The following SNX29 variants were observed in gnomAD, a reference collection of about 807,000 sequenced individuals.
SNX29 encodes sorting nexin 29.
A neutral mutation model predicts 102.1 loss-of-function variants in SNX29; 78 were observed. That is an observed-to-expected ratio of 0.76 (90% confidence interval 0.64 to 0.92). The LOEUF is 0.92. Ranked by LOEUF, SNX29 falls within the 40% of genes least tolerant of loss-of-function variation. The pLI, the probability that SNX29 is intolerant of heterozygous loss-of-function variation, is 0.00. For missense variants in SNX29, 1,280 were observed against 1,061.7 expected, an observed-to-expected ratio of 1.21 and a Z score of -2.86; for synonymous variants, 580 against 414.5, an observed-to-expected ratio of 1.40 and a Z score of -4.85.
chr16:12,027,308 G>A lies in SNX29; in HGVS notation c.123-12G>A, dbSNP rs1484100284. The A allele has an allele frequency of 1.9e-6, 3 of 1,613,306 alleles. No homozygotes were observed. The Admixed American group carries it at 5.0e-5, about 27-fold the overall frequency. On this transcript the variant is annotated splice_polypyrimidine_tract_variant and intron_variant, in intron 3 of 20. Coordinates refer to ENST00000566228, the MANE Select transcript of SNX29 (RefSeq NM_032167.5). ...TTCTGGGGGGACTGATGAGTCATTG[G>A]TTTTCTCACAGGGTCACCTGTCTGT...
At chr16:12,121,234 C>T (rs1211662433) in intron 11 of SNX29, among the ~76,000 whole-genome samples, 1 of 152,090 alleles carries the variant, frequency 6.6e-6, no homozygotes, top group South Asian at 2.1e-4. Flanking sequence ...AGTGTGCTTT[C>T]GTGGAGGTGC....
intron 11 of SNX29, among the ~76,000 whole-genome samples, chr16:12,122,255 C>A (rs906201668): frequency 6.6e-6 from 1 of 152,168 alleles, no homozygotes; most frequent in African/African-American, 2.4e-5. Context: ...CACCTTCCTT[C>A]GCGTCTCTTG....
intron 20 of SNX29, among the ~76,000 whole-genome samples, chr16:12,547,114 G>T (rs956857499): frequency 1.3e-5 from 2 of 152,178 alleles, no homozygotes; most frequent in African/African-American, 4.8e-5. Flanking sequence ...GAAAAGACAG[G>T]AAATGACATC....
intron 20 of SNX29, chr16:12,557,182 A>G (rs534998559): frequency 2.6e-5 from 4 of 152,330 alleles, no homozygotes; most frequent in East Asian, 3.9e-4. Flanking sequence ...CAAGGTAGAT[A>G]TACTGACTCC....
intron 13 of SNX29, among the ~76,000 whole-genome samples, chr16:12,151,629 C>T (rs2055306389): frequency 6.6e-6 from 1 of 152,238 alleles, no homozygotes; most frequent in Admixed American, 6.5e-5. Context: ...TTCAATTCCT[C>T]TGAAGAGAGG....
At chr16:12,044,925 A>C (rs541929910) in intron 5 of SNX29, among the ~76,000 whole-genome samples, 1 of 152,232 alleles carries the variant, frequency 6.6e-6, no homozygotes, top group South Asian at 2.1e-4. Flanking sequence ...TCCTTCCAGC[A>C]TATTATTTAC....
At chr16:12,507,331 C>T (rs186333961) in intron 19 of SNX29, among the ~76,000 whole-genome samples, 37 of 152,360 alleles carry the variant, frequency 2.4e-4, no homozygotes, top group African/African-American at 8.9e-4. Context: ...AGCTTGACTC[C>T]TGTCTGGCGT....
intron 18 of SNX29, among the ~76,000 whole-genome samples, chr16:12,411,081 A>G (rs1040036366): frequency 6.6e-6 from 1 of 152,216 alleles, no homozygotes; most frequent in African/African-American, 2.4e-5. Context: ...CTGCAGCTGC[A>G]GTGATGTGGG....
intron 20 of SNX29, among the ~76,000 whole-genome samples, chr16:12,555,452 G>GT (rs755585297): frequency 6.6e-5 from 10 of 152,002 alleles, no homozygotes; most frequent in Non-Finnish European, 1.5e-4. Context: ...TACGCAGGGT[G>GT]TTTCCCTAGT....
chr16:12,344,494 T>TTGGCAAATG (rs2081722882), intron 15 of SNX29, among the ~76,000 whole-genome samples: 1 of 152,212 alleles, frequency 6.6e-6, no homozygotes. Flanking sequence ...AAAACAGGGT[T>TTGGCAAATG]TGGCAAATGG....
At chr16:12,013,500 A>AAAAATATATATAT in intron 3 of SNX29, among the ~76,000 whole-genome samples, 2 of 31,624 alleles carry the variant, frequency 6.3e-5, no homozygotes, top group Non-Finnish European at 1.2e-4. Context: ...AAAAAAAAAA[A>AAAAATATATATAT]ATATATATAT....
At chr16:12,201,011 A>G (rs1018057270) in intron 14 of SNX29, among the ~76,000 whole-genome samples, 5 of 152,224 alleles carry the variant, frequency 3.3e-5, no homozygotes, top group African/African-American at 9.6e-5. Context: ...GAATCTGGCT[A>G]TGGCTTATTT....
chr16:12,344,223 G>A (rs1167942516), intron 15 of SNX29, among the ~76,000 whole-genome samples: 1 of 152,156 alleles, frequency 6.6e-6, no homozygotes, highest in Non-Finnish European at 1.5e-5. Flanking sequence ...GTATGTCTTT[G>A]TCAGCAGCAT....
intron 20 of SNX29, among the ~76,000 whole-genome samples, chr16:12,551,605 A>G (rs1314400401): frequency 1.3e-5 from 2 of 152,220 alleles, no homozygotes; most frequent in Admixed American, 6.5e-5. Flanking sequence ...TGGTGTTACA[A>G]TTAGATCTGA....
At chr16:12,277,870 T>A in intron 14 of SNX29, 63 bp from the exon 15 acceptor site, 2 of 1,450,652 alleles carry the variant, frequency 1.4e-6, no homozygotes, top group East Asian at 2.5e-5. Flanking sequence ...TTTTCTTTTT[T>A]TACTGGGAGA....
chr16:12,255,310 C>G (rs972867879), intron 14 of SNX29, among the ~76,000 whole-genome samples: 3 of 152,134 alleles, frequency 2.0e-5, no homozygotes, highest in Non-Finnish European at 4.4e-5. Context: ...ATTCTCCTGC[C>G]TCAGCCTCCC....
chr16:12,540,452 G>A (rs59067997), intron 20 of SNX29, among the ~76,000 whole-genome samples: 48,298 of 152,034 alleles, frequency 0.32, 7,980 homozygotes, highest in African/African-American at 0.42. Context: ...CCAGAAGTCC[G>A]AGATCCGTCT....
Position 12,539,449 on chromosome 16 carries a change from G to A in SNX29, c.2318+14608G>A, listed in dbSNP as rs983197466. Among the ~76,000 whole-genome samples, 3 of 152,198 alleles carry A rather than the reference G, an allele frequency of 2.0e-5. No individual in the cohort carries two copies. The South Asian group carries it at 6.2e-4, about 31-fold the overall frequency. On this transcript the variant is annotated intron_variant, in intron 20 of 20. Coordinates refer to ENST00000566228, the MANE Select transcript of SNX29 (RefSeq NM_032167.5). ...AGCAGTGTTTTTATTACTGAGCAGA[G>A]TTTGGTTAAATGGATATACCACGGT...
Position 12,553,220 on chromosome 16 carries a change from G to A in SNX29, c.2319-15286G>A, listed in dbSNP as rs554405940. Among the ~76,000 whole-genome samples, 4 of 152,292 alleles carry A rather than the reference G, an allele frequency of 2.6e-5. No homozygotes were observed. The East Asian group carries it at 5.8e-4, about 22-fold the overall frequency. ...GTTATTTCCAGTAGCCATGCTCGCA[G>A]ATGGGGACTTGAGAATACAGAGAGA... On this transcript the variant is annotated intron_variant, in intron 20 of 20. Coordinates refer to ENST00000566228, the MANE Select transcript of SNX29 (RefSeq NM_032167.5).
Sources: allele counts gnomAD v4.1 joint callset (sites outside exome capture counted in the v4.1 genomes callset), GRCh38; gene constraint gnomAD v4.1.1; transcripts MANE v1.5; gene names NCBI Gene and HGNC (gene_info 2026-07-23, HGNC 2026-07-21).